CBLL1: variants seen among roughly 807,000 people sequenced by gnomAD.
CBLL1 encodes the protein Cbl proto-oncogene like 1, also known as E3 ubiquitin-protein ligase Hakai.
In CBLL1, 4 loss-of-function variants were observed where a neutral mutation model predicts 44.9. The ratio of observed to expected loss-of-function variants is 0.09; its 90% CI spans 0.04 to 0.20. The LOEUF (loss-of-function observed/expected upper bound fraction) is 0.20. CBLL1 is among the 10% of genes least tolerant of loss of function. CBLL1 has a pLI of 1.00. For synonymous variants in CBLL1, 235 were observed against 202.2 expected, an observed-to-expected ratio of 1.16 and a Z score of -1.38; for missense variants, 569 against 636.7, an observed-to-expected ratio of 0.89 and a Z score of 1.14.
chr7:107,749,140 T>C, intron 2 of CBLL1, 93 bp downstream of exon 2: 1 of 1,077,978 alleles, frequency 9.3e-7, no homozygotes, highest in Middle Eastern at 2.1e-4. Context: ...TCTTTTTGTC[T>C]TACATATTCT....
chr7:107,759,536 A>G lies in CBLL1; in HGVS notation c.*358A>G, dbSNP rs1048262477. ...CAACGTTTAGTTTTTCTTGTGATAC[A>G]TTTTGTTAACCTGTGTAAAAGGATT... On this transcript the variant is annotated 3_prime_UTR_variant, in exon 6 of 6. Coordinates refer to ENST00000440859, the MANE Select transcript of CBLL1 (RefSeq NM_024814.4). 1 of 177,274 alleles carries G rather than the reference A, an allele frequency of 5.6e-6. No individual in the cohort carries two copies. Among genetic ancestry groups the G allele is most frequent in the African/African-American group, 2.4e-5 (1 of 42,276 alleles). 11.0% of individuals were successfully genotyped at this position (177,274 alleles called of 1,614,324 possible). A position where few individuals can be genotyped will look rare whatever the true frequency, so the allele number is the denominator to read the frequency against.
Position 107,759,026 on chromosome 7 carries a change from C to T in CBLL1, c.1324C>T (p.Pro442Ser). Residue 442 changes from proline (P) to serine (S), a missense_variant, in exon 6 of 6, where the codon CCA becomes TCA. This residue lies in a region of CBLL1 where 228 missense variants were observed against 253.2 expected (regional missense o/e 0.90). Transcript: ENST00000440859. ...FTEDQGTLSP[P>S]FTQPGGMSPG... Reference sequence around the variant, plus strand: ...TGAAGATCAAGGAACTCTGAGCCCTCCATTTACACAACCAGGGGGAATGAG... The same window carrying T: ...TGAAGATCAAGGAACTCTGAGCCCTTCATTTACACAACCAGGGGGAATGAG... The T allele has an allele frequency of 6.2e-7, 1 of 1,614,054 alleles. No homozygotes were observed. The highest frequency in any genetic ancestry group is 2.2e-5 in the East Asian group (1 of 44,872).
intron 2 of CBLL1, among the ~76,000 whole-genome samples, chr7:107,749,940 TTTTGTTTG>T (rs140661181): frequency 2.7e-5 from 4 of 150,726 alleles, no homozygotes; most frequent in African/African-American, 4.9e-5. Context: ...ATATATATTT[TTTTGTTTG>T]TTTGTTTGTT....
In CBLL1 at chr7:107,759,214, A is replaced by G; in HGVS notation, c.*36A>G. On this transcript the variant is annotated 3_prime_UTR_variant, in exon 6 of 6. Coordinates refer to ENST00000440859, the MANE Select transcript of CBLL1 (RefSeq NM_024814.4). ...TTGAATGGAAGATATGAGGGGGAAAAAAACTTATGTGTAGTCAATCTTTTA... is the reference window on the plus strand; with the variant it reads ...TTGAATGGAAGATATGAGGGGGAAAGAAACTTATGTGTAGTCAATCTTTTA... 4 of 1,517,974 alleles carry G rather than the reference A, an allele frequency of 2.6e-6. No individual in the cohort carries two copies. Among genetic ancestry groups the G allele is most frequent in the Non-Finnish European group, 3.5e-6 (4 of 1,128,702 alleles). 94.0% of individuals were successfully genotyped at this position (1,517,974 alleles called of 1,614,324 possible).
intron 2 of CBLL1, among the ~76,000 whole-genome samples, chr7:107,749,921 C>T (rs1022024059): frequency 1.4e-5 from 2 of 147,172 alleles, no homozygotes; most frequent in African/African-American, 2.5e-5. Flanking sequence ...TATGTATGTG[C>T]GTGTGTGTAT....
chr7:107,754,785 AT>A (rs942982753), intron 4 of CBLL1, among the ~76,000 whole-genome samples: 1 of 152,092 alleles, frequency 6.6e-6, no homozygotes, highest in Admixed American at 6.5e-5. Context: ...GAGAAACAAG[AT>A]TAAAAAAAAA....
chr7:107,759,234 CTT>C lies in CBLL1; in HGVS notation c.*59_*60del, dbSNP rs1402218512. ...GGAAAAAAACTTATGTGTAGTCAATCTTTTAAGCTTTGACTGTTTTGGGAAGG... is the reference window on the plus strand; with the variant it reads ...GGAAAAAAACTTATGTGTAGTCAATCTTAAGCTTTGACTGTTTTGGGAAGG... On this transcript the variant is annotated 3_prime_UTR_variant, in exon 6 of 6. Transcript: ENST00000440859. The C allele has an allele frequency of 3.5e-6, 5 of 1,434,486 alleles. No individual in the cohort carries two copies. In the African/African-American group the frequency reaches 7.1e-5, roughly 20 times the overall value. The allele number at this position is 1,434,486 out of a possible 1,614,324, so 88.9% of individuals were successfully genotyped here. A position where few individuals can be genotyped will look rare whatever the true frequency, so the allele number is the denominator to read the frequency against.
At chr7:107,752,650 C>T (rs1793357342) in intron 2 of CBLL1, 1 of 1,136,824 alleles carries the variant, frequency 8.8e-7, no homozygotes, top group Non-Finnish European at 1.2e-6. Context: ...TCCCATCAGA[C>T]TGTTGATTGG....
intron 3 of CBLL1, 47 bp from the exon 4 acceptor site, chr7:107,753,848 C>A: frequency 8.2e-7 from 1 of 1,220,548 alleles, no homozygotes; most frequent in Non-Finnish European, 1.2e-6. Flanking sequence ...TAGATACAAT[C>A]TTTAGAATTG....
chr7:107,748,863 T>C lies in CBLL1; in HGVS notation c.14-17T>C. 6.4e-7 allele frequency: 1 copy of C among 1,555,452 alleles called. No homozygotes were observed. The highest frequency in any genetic ancestry group is 8.7e-7 in the Non-Finnish European group (1 of 1,155,198). On this transcript the variant is annotated splice_polypyrimidine_tract_variant and intron_variant, in intron 1 of 5. Transcript: ENST00000440859. ...AGAAAAACTAAAAGAAATTACAACT[T>C]TTTTTTCCTAACACAGACAATGAGT...
chr7:107,753,154 C>A (rs145583080), intron 2 of CBLL1, among the ~76,000 whole-genome samples: 1 of 152,212 alleles, frequency 6.6e-6, no homozygotes, highest in African/African-American at 2.4e-5. Flanking sequence ...CTGGCTTTGC[C>A]ACTTATCTTC....
intron 5 of CBLL1, among the ~76,000 whole-genome samples, chr7:107,756,760 TA>T (rs1793546172): frequency 6.6e-6 from 1 of 152,196 alleles, no homozygotes; most frequent in South Asian, 2.1e-4. Flanking sequence ...CTGAATATTC[TA>T]ATGTACTAAC....
rs1275284625 is a variant in CBLL1, at chr7:107,751,154, G to A, written c.181+2107G>A. 5.3e-5 allele frequency among the ~76,000 whole-genome samples: 8 copies of A among 152,260 alleles called. 1 individual carries two copies. On this transcript the variant is annotated intron_variant, in intron 2 of 5. Coordinates refer to ENST00000440859, the MANE Select transcript of CBLL1 (RefSeq NM_024814.4). Reference sequence around the variant, plus strand: ...GAGTGATGGCAGGGTGCGGGGAGTGGTTTCGGGATGCAACTGTTGCATTAG... The same window carrying A: ...GAGTGATGGCAGGGTGCGGGGAGTGATTTCGGGATGCAACTGTTGCATTAG...
chr7:107,756,492 A>G (rs1426315642), intron 5 of CBLL1, among the ~76,000 whole-genome samples: 1 of 152,164 alleles, frequency 6.6e-6, no homozygotes. Context: ...AATTCAGAAG[A>G]ATTAAGACAT....
chr7:107,746,429 A>G (rs1025798613), intron 1 of CBLL1, among the ~76,000 whole-genome samples: 19 of 152,128 alleles, frequency 1.2e-4, no homozygotes, highest in African/African-American at 4.3e-4. Context: ...AAATGAATCA[A>G]TCTCTTTGAT....
At position 107,760,018 on chromosome 7, in the gene CBLL1, C is replaced by G. The variant is rs111292759; in HGVS notation, c.*840C>G. On this transcript the variant is annotated 3_prime_UTR_variant, in exon 6 of 6. Coordinates refer to ENST00000440859, the MANE Select transcript of CBLL1 (RefSeq NM_024814.4). ...CGGAATCACATATGCACCACACATACTGATCTTAAGTAACATTATTTTATA... is the reference window on the plus strand; with the variant it reads ...CGGAATCACATATGCACCACACATAGTGATCTTAAGTAACATTATTTTATA... 1 of 152,266 alleles carries G rather than the reference C, an allele frequency of 6.6e-6. No individual in the cohort carries two copies. The highest frequency in any genetic ancestry group is 2.4e-5 in the African/African-American group (1 of 41,418). The allele number at this position is 152,266 out of a possible 1,614,324, so 9.4% of individuals were successfully genotyped here.
At chr7:107,752,627 T>A in intron 2 of CBLL1, 1 of 1,258,068 alleles carries the variant, frequency 7.9e-7, no homozygotes, top group South Asian at 1.3e-5. Context: ...GGTAATTGGA[T>A]TCTACCTAGA....
chr7:107,761,007 A>G lies in CBLL1; in HGVS notation c.*1829A>G, dbSNP rs1793739578. 1 of 152,222 alleles carries G rather than the reference A, an allele frequency of 6.6e-6. No individual in the cohort carries two copies. Among genetic ancestry groups the G allele is most frequent in the African/African-American group, 2.4e-5 (1 of 41,458 alleles). 9.4% of individuals were successfully genotyped at this position (152,222 alleles called of 1,614,324 possible). A position where few individuals can be genotyped will look rare whatever the true frequency, so the allele number is the denominator to read the frequency against. Reference sequence around the variant, plus strand: ...AAATGCTTGTTATTAAAAGCATGGGAGTGATAGTGTGAAATGGTGGTGAGT... The same window carrying G: ...AAATGCTTGTTATTAAAAGCATGGGGGTGATAGTGTGAAATGGTGGTGAGT... On this transcript the variant is annotated 3_prime_UTR_variant, in exon 6 of 6. Transcript: ENST00000440859.
intron 2 of CBLL1, 136 bp downstream of exon 2, chr7:107,749,183 A>C: frequency 3.2e-6 from 2 of 622,234 alleles, no homozygotes; most frequent in South Asian, 3.4e-5. Flanking sequence ...TTGACTTCTC[A>C]TTGTAGCACA....
Sources: allele counts gnomAD v4.1 joint callset (sites outside exome capture counted in the v4.1 genomes callset), GRCh38; gene constraint gnomAD v4.1.1; regional missense constraint gnomAD v4.1.1; transcripts MANE v1.5; gene names NCBI Gene and HGNC (gene_info 2026-07-23, HGNC 2026-07-21).